Variants in ERI1 observed in about 807,000 individuals in gnomAD.
The protein encoded by ERI1 is 3'-5' exoribonuclease 1.
In ERI1, 39 loss-of-function variants were observed where a neutral mutation model predicts 39.7. That is an observed-to-expected ratio of 0.98 (90% CI 0.76 to 1.28). The LOEUF (loss-of-function observed/expected upper bound fraction) is 1.28. Ranked by LOEUF, ERI1 falls within the 50% of genes most tolerant of loss-of-function variation. The pLI, the probability that ERI1 is intolerant of heterozygous loss-of-function variation, is 0.00. For synonymous variants in ERI1, 204 were observed against 149.6 expected (o/e 1.36, Z -2.65); for missense variants, 581 against 416.9 (o/e 1.39, Z -3.43).
intron 3 of ERI1, among the ~76,000 whole-genome samples, chr8:9,012,018 C>T (rs1816723953): frequency 1.7e-5 from 2 of 119,584 alleles, no homozygotes; most frequent in Non-Finnish European, 3.8e-5. Context: ...ATCAGAATCT[C>T]CTGGTAAGTA....
At chr8:9,095,744 C>T (rs139626641) in intron 3 of ERI1, among the ~76,000 whole-genome samples, 1 of 152,164 alleles carries the variant, frequency 6.6e-6, no homozygotes, top group East Asian at 1.9e-4. Context: ...TGGCCTTGAA[C>T]TCCTGGGCTC....
chr8:9,010,390 A>G lies in ERI1; in HGVS notation c.288-1152A>G, dbSNP rs576249278. Among the ~76,000 whole-genome samples, 10 of 152,336 alleles carry G rather than the reference A, an allele frequency of 6.6e-5. 1 individual carries two copies. Among genetic ancestry groups the G allele is most frequent in the African/African-American group, 2.4e-4 (10 of 41,582 alleles). On this transcript the variant is annotated intron_variant, in intron 2 of 6. Coordinates refer to ENST00000250263, the MANE Select transcript of ERI1 (RefSeq NM_153332.4). ...CAGAGGTCACTCACAGTGCCTTAAT[A>G]TGAAAGAGGTTAAGGATTTTCTCCG...
chr8:9,033,355 T>C (rs1797722525), downstream of ERI1: 1 of 152,190 alleles, frequency 6.6e-6, no homozygotes, highest in Non-Finnish European at 1.5e-5. Context: ...TTCTCATTTG[T>C]TTTCATGTCA....
intron 3 of ERI1, among the ~76,000 whole-genome samples, chr8:9,097,261 T>G (rs1244995959): frequency 6.6e-6 from 1 of 152,236 alleles, no homozygotes; most frequent in Non-Finnish European, 1.5e-5. Context: ...CATGATTTTC[T>G]GTTTTTTATT....
intron 3 of ERI1, among the ~76,000 whole-genome samples, chr8:9,043,028 C>T (rs2043973434): frequency 6.6e-6 from 1 of 152,198 alleles, no homozygotes. Context: ...TTCATTTCTG[C>T]TGTTGGAATA....
At chr8:9,016,870 A>G (rs910371811) in intron 4 of ERI1, among the ~76,000 whole-genome samples, 2 of 151,732 alleles carry the variant, frequency 1.3e-5, no homozygotes, top group African/African-American at 4.8e-5. Context: ...TATTTTTAGT[A>G]GAGACCTGGT....
intron 6 of ERI1, among the ~76,000 whole-genome samples, chr8:9,025,908 A>T (rs1261502074): frequency 6.6e-6 from 1 of 152,182 alleles, no homozygotes; most frequent in Non-Finnish European, 1.5e-5. Context: ...TATACCTCAT[A>T]CACAGAGCCT....
chr8:9,067,941 C>A (rs537553883), intron 3 of ERI1, among the ~76,000 whole-genome samples: 2 of 152,028 alleles, frequency 1.3e-5, no homozygotes, highest in East Asian at 3.9e-4. Context: ...CACACACACA[C>A]ACATATATGT....
At chr8:9,066,542 G>A (rs773678311) in intron 3 of ERI1, among the ~76,000 whole-genome samples, 2 of 152,168 alleles carry the variant, frequency 1.3e-5, no homozygotes, top group Non-Finnish European at 2.9e-5. Flanking sequence ...TGTTGGGCAC[G>A]GTGAAGGAGG....
At chr8:9,097,910 T>C (rs1480718730) in intron 3 of ERI1, among the ~76,000 whole-genome samples, 2 of 152,146 alleles carry the variant, frequency 1.3e-5, no homozygotes, top group Non-Finnish European at 2.9e-5. Context: ...TTATGGTATA[T>C]GTATATACAC....
At chr8:9,068,048 G>T (rs1798936935) in intron 3 of ERI1, among the ~76,000 whole-genome samples, 1 of 152,102 alleles carries the variant, frequency 6.6e-6, no homozygotes, top group South Asian at 2.1e-4. Flanking sequence ...TTTGCTCAAA[G>T]CTTTATGGCT....
chr8:9,054,802 C>T (rs748300694), intron 3 of ERI1, among the ~76,000 whole-genome samples: 6 of 152,196 alleles, frequency 3.9e-5, no homozygotes, highest in Non-Finnish European at 7.3e-5. Context: ...GCGGCAGGCA[C>T]CTGTAATCCC....
At chr8:9,022,998 A>T (rs186907349) in intron 6 of ERI1, among the ~76,000 whole-genome samples, 1 of 152,318 alleles carries the variant, frequency 6.6e-6, no homozygotes, top group African/African-American at 2.4e-5. Context: ...GTGACATCTT[A>T]AAAAATTAGC....
intron 3 of ERI1, among the ~76,000 whole-genome samples, chr8:9,091,754 A>G (rs984804973): frequency 6.6e-6 from 1 of 152,350 alleles, no homozygotes; most frequent in East Asian, 1.9e-4. Context: ...AGAACAAATT[A>G]TTCCCAGTTT....
intron 3 of ERI1, among the ~76,000 whole-genome samples, chr8:9,093,360 T>C (rs1261881518): frequency 6.6e-6 from 1 of 152,180 alleles, no homozygotes; most frequent in Non-Finnish European, 1.5e-5. Flanking sequence ...TGGACAAGCT[T>C]GAAACACAGT....
At position 9,025,316 on chromosome 8, in the gene ERI1, A is replaced by T. The variant is rs144985084; in HGVS notation, c.808-4476A>T. Among the ~76,000 whole-genome samples, 105 of 152,322 alleles carry T rather than the reference A, an allele frequency of 6.9e-4. No individual in the cohort carries two copies. The East Asian group carries it at 0.017, about 25-fold the overall frequency. ...TTTTAAGGTTTTCTGTTGTAACATGATTATTTCCAAAGACATACTCCGTTA... is the reference window on the plus strand; with the variant it reads ...TTTTAAGGTTTTCTGTTGTAACATGTTTATTTCCAAAGACATACTCCGTTA... On this transcript the variant is annotated intron_variant, in intron 6 of 6. Transcript: ENST00000250263.
intron 3 of ERI1, among the ~76,000 whole-genome samples, chr8:9,065,274 T>C (rs1798838263): frequency 1.3e-5 from 2 of 152,322 alleles, no homozygotes; most frequent in East Asian, 1.9e-4. Flanking sequence ...TTAGTTGTTT[T>C]TGCTTCTTTC....
intron 6 of ERI1, among the ~76,000 whole-genome samples, chr8:9,024,802 C>A (rs1032149753): frequency 1.3e-5 from 2 of 152,106 alleles, no homozygotes; most frequent in African/African-American, 4.8e-5. Flanking sequence ...AAATACACCT[C>A]TTGACTGTAA....
At chr8:9,059,397 G>A (rs780403236) in intron 3 of ERI1, among the ~76,000 whole-genome samples, 6 of 152,008 alleles carry the variant, frequency 3.9e-5, no homozygotes, top group Non-Finnish European at 8.8e-5. Flanking sequence ...GGGGTGGTTT[G>A]GAGAGATAAC....
Sources: allele counts gnomAD v4.1 joint callset (sites outside exome capture counted in the v4.1 genomes callset), GRCh38; gene constraint gnomAD v4.1.1; transcripts MANE v1.5; gene names NCBI Gene and HGNC (gene_info 2026-07-23, HGNC 2026-07-21).